The following NALCN variants were observed in gnomAD, a reference collection of about 807,000 sequenced individuals.
The protein encoded by NALCN is sodium leak channel, non-selective.
NALCN carries 111 observed loss-of-function variants against 225.3 expected under a neutral mutation model. The observed-to-expected ratio is 0.49, with a 90% CI of 0.42 to 0.58. The LOEUF is 0.58. Ranked by LOEUF, NALCN falls within the 20% of genes least tolerant of loss-of-function variation. The pLI is 0.00. For missense variants in NALCN, 1,378 were observed against 2,202.4 expected (o/e 0.63, Z 7.49); for synonymous variants, 764 against 769.0 (o/e 0.99, Z 0.11).
chr13:101,126,954 C>G (rs2036263899), intron 17 of NALCN, among the ~76,000 whole-genome samples: 1 of 152,190 alleles, frequency 6.6e-6, no homozygotes, highest in African/African-American at 2.4e-5. Context: ...AGTCCTGAGA[C>G]AGACCCAGGC....
chr13:101,100,686 C>T, intron 27 of NALCN, 98 bp downstream of exon 27: 1 of 973,418 alleles, frequency 1.0e-6, no homozygotes, highest in Non-Finnish European at 1.5e-6. Context: ...TTCAAGTAAT[C>T]TTCCCTCCTT....
At chr13:101,170,494 T>C (rs1197154959) in intron 15 of NALCN, among the ~76,000 whole-genome samples, 1 of 152,214 alleles carries the variant, frequency 6.6e-6, no homozygotes, top group Non-Finnish European at 1.5e-5. Flanking sequence ...TTACCAGCTA[T>C]CTGGGCATCC....
At chr13:101,067,255 T>C (rs1299443484) in intron 39 of NALCN, among the ~76,000 whole-genome samples, 2 of 85,764 alleles carry the variant, frequency 2.3e-5, no homozygotes, top group Non-Finnish European at 2.3e-5. Flanking sequence ...GAAGATGAGG[T>C]GGAAGAGGAG....
intron 43 of NALCN, chr13:101,057,506 C>A: frequency 4.5e-6 from 1 of 222,400 alleles, no homozygotes. Context: ...ACCGGCTCAG[C>A]TGCAAAGTGT....
chr13:101,350,291 G>A (rs2045872034), intron 6 of NALCN, among the ~76,000 whole-genome samples: 1 of 152,078 alleles, frequency 6.6e-6, no homozygotes, highest in Non-Finnish European at 1.5e-5. Flanking sequence ...CCCAGTGTCT[G>A]ACCACGTTGG....
chr13:101,098,613 C>T (rs78275046), intron 27 of NALCN, among the ~76,000 whole-genome samples: 2,192 of 152,262 alleles, frequency 0.014, 27 homozygotes, highest in Non-Finnish European at 0.022. Flanking sequence ...AAACTATGGG[C>T]GCAGCAACTG....
At chr13:101,230,780 A>C (rs144019214) in intron 12 of NALCN, among the ~76,000 whole-genome samples, 107 of 152,114 alleles carry the variant, frequency 7.0e-4, no homozygotes, top group African/African-American at 1.5e-3. Context: ...TAAGTTTTGT[A>C]TTTTTGGATC....
intron 13 of NALCN, among the ~76,000 whole-genome samples, chr13:101,199,745 A>T (rs1594420085): frequency 2.0e-5 from 3 of 152,042 alleles, no homozygotes; most frequent in African/African-American, 7.2e-5. Context: ...ACATGTATAC[A>T]TATGTACAAA....
At chr13:101,171,648 G>A (rs1289225703) in intron 15 of NALCN, among the ~76,000 whole-genome samples, 3 of 152,120 alleles carry the variant, frequency 2.0e-5, no homozygotes, top group African/African-American at 4.8e-5. Flanking sequence ...TATGATTGAG[G>A]TGAGTTTTTG....
intron 43 of NALCN, among the ~76,000 whole-genome samples, chr13:101,056,019 G>A (rs2031197099): frequency 6.6e-6 from 1 of 152,072 alleles, no homozygotes; most frequent in South Asian, 2.1e-4. Context: ...ATTGTAAGAT[G>A]AAGACAATGA....
At chr13:101,173,504 C>T (rs903289138) in intron 15 of NALCN, among the ~76,000 whole-genome samples, 1 of 152,014 alleles carries the variant, frequency 6.6e-6, no homozygotes, top group African/African-American at 2.4e-5. Context: ...GTAAGATGGA[C>T]ATAATAATAA....
Position 101,139,604 on chromosome 13 carries a change from GTTT to G in NALCN, c.2118+3473_2118+3475del, listed in dbSNP as rs34424690. ...TGCACAATTTGCAGAGGGCTGGGTG[GTTT>G]TTTTTTTTCACGTAGAGTGAAGAAC... On this transcript the variant is annotated intron_variant, in intron 17 of 43. Transcript: ENST00000251127. Among the ~76,000 whole-genome samples, 9 of 147,160 alleles carry G rather than the reference GTTT, an allele frequency of 6.1e-5. 1 individual carries two copies. The East Asian group carries it at 1.8e-3, about 29-fold the overall frequency.
intron 14 of NALCN, among the ~76,000 whole-genome samples, chr13:101,180,204 C>CTT (rs71200724): frequency 9.1e-4 from 100 of 109,954 alleles, no homozygotes; most frequent in African/African-American, 2.5e-3. Context: ...TCCACCTGGT[C>CTT]TTTTTTTTTT....
At chr13:101,355,203 G>A (rs532915127) in intron 6 of NALCN, among the ~76,000 whole-genome samples, 1 of 152,204 alleles carries the variant, frequency 6.6e-6, no homozygotes, top group African/African-American at 2.4e-5. Context: ...ACAGCCTGGA[G>A]AACCATGAGC....
intron 17 of NALCN, among the ~76,000 whole-genome samples, chr13:101,134,543 T>A (rs2036673987): frequency 6.6e-6 from 1 of 152,226 alleles, no homozygotes; most frequent in Non-Finnish European, 1.5e-5. Context: ...ATTAAAGTAT[T>A]ACTTTTTCTA....
chr13:101,209,407 G>C (rs2140069829), intron 13 of NALCN, among the ~76,000 whole-genome samples: 1 of 152,274 alleles, frequency 6.6e-6, no homozygotes, highest in African/African-American at 2.4e-5. Flanking sequence ...AGAAAAATTA[G>C]TCACGCTTGG....
At chr13:101,106,281 A>G (rs918619033) in intron 22 of NALCN, among the ~76,000 whole-genome samples, 1 of 152,154 alleles carries the variant, frequency 6.6e-6, no homozygotes, top group East Asian at 1.9e-4. Flanking sequence ...CTATTTCCAA[A>G]TACAGTCACA....
Position 101,176,378 on chromosome 13 carries a change from T to C in NALCN, c.1765-4A>G, listed in dbSNP as rs375488674. On this transcript the variant is annotated splice_region_variant and splice_polypyrimidine_tract_variant and intron_variant, in intron 14 of 43. Coordinates refer to ENST00000251127, the MANE Select transcript of NALCN (RefSeq NM_052867.4). ...CAACAAACAAACTCAGGAGGATCTA[T>C]AAAATGGTGAAATAACAATGAAAAA... 6.2e-5 allele frequency: 98 copies of C among 1,587,824 alleles called. No homozygotes were observed. The highest frequency in any genetic ancestry group is 8.3e-5 in the Non-Finnish European group (97 of 1,171,278).
chr13:101,398,052 T>C (rs944094633), intron 2 of NALCN, among the ~76,000 whole-genome samples: 1 of 152,126 alleles, frequency 6.6e-6, no homozygotes, highest in Non-Finnish European at 1.5e-5. Flanking sequence ...GTGGACAGTG[T>C]GCTGACACAG....
Sources: gnomAD v4.1 joint callset for allele counts (sites outside exome capture counted in the v4.1 genomes callset) on GRCh38, gnomAD v4.1.1 for gene constraint, MANE v1.5 for transcripts, NCBI Gene and HGNC (gene_info 2026-07-23, HGNC 2026-07-21) for gene names.